Variants in PPP1R9A observed in about 807,000 individuals in gnomAD.
PPP1R9A encodes the protein neurabin-1.
Under a neutral mutation model 141.9 loss-of-function variants are expected in PPP1R9A, and 59 were observed. The observed-to-expected ratio is 0.42, with a 90% CI of 0.34 to 0.52. The LOEUF (loss-of-function observed/expected upper bound fraction) is 0.52. Among genes scored for constraint, PPP1R9A ranks in the 20% least tolerant of loss-of-function variants. The probability of loss-of-function intolerance (pLI) is 0.10; values close to 1 mark genes in which losing one functional copy is unlikely to be tolerated. For missense variants in PPP1R9A, 1,444 were observed against 1,611.9 expected (o/e 0.90, Z 1.78); for synonymous variants, 500 against 569.7 (o/e 0.88, Z 1.74).
At chr7:95,260,164 A>G (rs1800211368) in intron 12 of PPP1R9A, among the ~76,000 whole-genome samples, 1 of 152,194 alleles carries the variant, frequency 6.6e-6, no homozygotes, top group Non-Finnish European at 1.5e-5. Flanking sequence ...CCTCTTACTT[A>G]AAAAGCAAAG....
At chr7:95,108,599 G>A (rs562262330) in intron 2 of PPP1R9A, among the ~76,000 whole-genome samples, 7 of 151,868 alleles carry the variant, frequency 4.6e-5, no homozygotes, top group African/African-American at 1.4e-4. Context: ...ATGAAATGGT[G>A]GCATAGTCAT....
At chr7:94,962,771 T>A (rs1797775570) in intron 2 of PPP1R9A, among the ~76,000 whole-genome samples, 1 of 152,120 alleles carries the variant, frequency 6.6e-6, no homozygotes, top group African/African-American at 2.4e-5. Flanking sequence ...GGAGTCTGAG[T>A]GACTACAGTG....
At chr7:94,952,838 T>G (rs1159732126) in intron 2 of PPP1R9A, among the ~76,000 whole-genome samples, 2 of 152,180 alleles carry the variant, frequency 1.3e-5, no homozygotes, top group East Asian at 3.8e-4. Flanking sequence ...TTTAAATTCC[T>G]TGTAGATTCT....
At chr7:94,999,780 T>TTTAA (rs1326457578) in intron 2 of PPP1R9A, among the ~76,000 whole-genome samples, 1 of 89,060 alleles carries the variant, frequency 1.1e-5, no homozygotes, top group African/African-American at 3.6e-5. Context: ...TATCTTATTT[T>TTTAA]ATTTATTTAT....
At chr7:95,057,554 T>TC (rs1811667087) in intron 2 of PPP1R9A, among the ~76,000 whole-genome samples, 1 of 152,018 alleles carries the variant, frequency 6.6e-6, no homozygotes, top group African/African-American at 2.4e-5. Context: ...TGAGGCATTT[T>TC]CCCCACAAAG....
chr7:95,241,113 C>T (rs1797392181), intron 8 of PPP1R9A, among the ~76,000 whole-genome samples: 1 of 152,110 alleles, frequency 6.6e-6, no homozygotes, highest in East Asian at 1.9e-4. Context: ...AGTATTGCCA[C>T]ACAGTTCTCT....
intron 14 of PPP1R9A, among the ~76,000 whole-genome samples, chr7:95,270,307 A>G (rs1801969681): frequency 6.6e-6 from 1 of 152,184 alleles, no homozygotes; most frequent in Non-Finnish European, 1.5e-5. Flanking sequence ...GAATTTTTAA[A>G]AAGTGTTATA....
At chr7:95,215,963 G>A (rs994359803) in intron 7 of PPP1R9A, among the ~76,000 whole-genome samples, 10 of 152,110 alleles carry the variant, frequency 6.6e-5, no homozygotes, top group African/African-American at 2.2e-4. Flanking sequence ...CTGTGAAGAA[G>A]CCCTTTAATT....
intron 16 of PPP1R9A, among the ~76,000 whole-genome samples, chr7:95,282,582 G>T (rs764582189): frequency 1.3e-5 from 2 of 152,146 alleles, no homozygotes; most frequent in Non-Finnish European, 2.9e-5. Context: ...TTACATTAAG[G>T]AGATAAGATT....
At chr7:95,174,877 T>G (rs1300749607) in intron 5 of PPP1R9A, 3 of 152,160 alleles carry the variant, frequency 2.0e-5, no homozygotes, top group African/African-American at 7.2e-5. Context: ...ACTGGCATAG[T>G]TGGTGTACCT....
At chr7:95,203,940 T>C (rs1790142056) in intron 7 of PPP1R9A, among the ~76,000 whole-genome samples, 1 of 152,222 alleles carries the variant, frequency 6.6e-6, no homozygotes, top group African/African-American at 2.4e-5. Flanking sequence ...TTCTGCAATT[T>C]AGACTCATTT....
At chr7:95,272,906 G>A (rs1447711918) in intron 14 of PPP1R9A, among the ~76,000 whole-genome samples, 1 of 152,182 alleles carries the variant, frequency 6.6e-6, no homozygotes, top group Admixed American at 6.5e-5. Flanking sequence ...AAGAACTGGG[G>A]AGGAAGAGTT....
rs971656094 is a variant in PPP1R9A, at chr7:94,992,811, A to T, written c.1395+81303A>T. 5.3e-5 allele frequency among the ~76,000 whole-genome samples: 8 copies of T among 151,994 alleles called. No homozygotes were observed. The East Asian group carries it at 1.2e-3, about 22-fold the overall frequency. ...TTGCTTAAATATTTTCTGATTTTTT[A>T]AAAATTAAGTTGTTTTCTTACTGTT... On this transcript the variant is annotated intron_variant, in intron 2 of 19. Coordinates refer to ENST00000433360, the MANE Select transcript of PPP1R9A (RefSeq NM_001166160.2).
intron 2 of PPP1R9A, among the ~76,000 whole-genome samples, chr7:94,975,366 T>G (rs13238140): frequency 4.0e-4 from 58 of 145,942 alleles, no homozygotes; most frequent in African/African-American, 6.7e-4. Flanking sequence ...GTTTTTTTTT[T>G]TTTTTTTTTT....
chr7:95,228,613 G>A (rs913307265), intron 8 of PPP1R9A, among the ~76,000 whole-genome samples: 11 of 152,170 alleles, frequency 7.2e-5, no homozygotes, highest in Admixed American at 2.0e-4. Flanking sequence ...GAGCTAAGTC[G>A]CATCATTCCA....
At chr7:95,267,430 A>G (rs998892488) in intron 12 of PPP1R9A, among the ~76,000 whole-genome samples, 4 of 152,144 alleles carry the variant, frequency 2.6e-5, no homozygotes, top group South Asian at 2.1e-4. Context: ...TTTATTTCTA[A>G]GGAGTGATTA....
chr7:95,287,221 A>T (rs1225641070), intron 18 of PPP1R9A: 2 of 1,465,658 alleles, frequency 1.4e-6, no homozygotes, highest in Admixed American at 3.4e-5. Flanking sequence ...GAAAAATCAG[A>T]CAATACAAGA....
At chr7:95,152,801 T>G (rs1420053383) in intron 4 of PPP1R9A, among the ~76,000 whole-genome samples, 1 of 151,956 alleles carries the variant, frequency 6.6e-6, no homozygotes, top group East Asian at 1.9e-4. Context: ...ACAAGCAATT[T>G]AGGTGACTAG....
chr7:95,061,680 G>A (rs1812253221), intron 2 of PPP1R9A, among the ~76,000 whole-genome samples: 1 of 152,136 alleles, frequency 6.6e-6, no homozygotes, highest in African/African-American at 2.4e-5. Flanking sequence ...TGGCTGTAGT[G>A]GGCCATGATT....
Sources: allele counts gnomAD v4.1 joint callset (sites outside exome capture counted in the v4.1 genomes callset), GRCh38; gene constraint gnomAD v4.1.1; transcripts MANE v1.5; gene names NCBI Gene and HGNC (gene_info 2026-07-23, HGNC 2026-07-21).